VAT1L: variants seen among roughly 807,000 people sequenced by gnomAD.
VAT1L encodes vesicle amine transport 1 like, also known as putative NADPH-dependent quinone oxidoreductase VAT1L.
VAT1L carries 34 observed loss-of-function variants against 44.1 expected under a neutral mutation model. The ratio of observed to expected loss-of-function variants is 0.77; its 90% CI spans 0.59 to 1.03. The LOEUF (loss-of-function observed/expected upper bound fraction) is 1.03, where lower values mean the gene tolerates loss of function less well. Ranked by LOEUF, VAT1L falls within the 50% of genes least tolerant of loss-of-function variation. The pLI, the probability that VAT1L is intolerant of heterozygous loss-of-function variation, is 0.00. For missense variants in VAT1L, 615 were observed against 538.8 expected, an observed-to-expected ratio of 1.14 and a Z score of -1.40; for synonymous variants, 253 against 202.2, an observed-to-expected ratio of 1.25 and a Z score of -2.13.
At chr16:77,940,780 A>G (rs1323192419) in intron 7 of VAT1L, among the ~76,000 whole-genome samples, 1 of 152,156 alleles carries the variant, frequency 6.6e-6, no homozygotes, top group African/African-American at 2.4e-5. Context: ...TATGTTTCCC[A>G]AAGACAGCTC....
intron 1 of VAT1L, among the ~76,000 whole-genome samples, chr16:77,801,974 G>A (rs2016064971): frequency 6.6e-6 from 1 of 152,128 alleles, no homozygotes; most frequent in Admixed American, 6.5e-5. Flanking sequence ...AGCCATCCAT[G>A]CGCCCACCTT....
chr16:77,953,634 G>T (rs531227547), intron 7 of VAT1L, among the ~76,000 whole-genome samples: 21 of 152,160 alleles, frequency 1.4e-4, no homozygotes, highest in African/African-American at 4.8e-4. Context: ...TCGAACTCCT[G>T]GGGGCTCAGC....
At chr16:77,842,463 G>T (rs1021541007) in intron 3 of VAT1L, among the ~76,000 whole-genome samples, 1 of 152,184 alleles carries the variant, frequency 6.6e-6, no homozygotes, top group African/African-American at 2.4e-5. Flanking sequence ...CAGAACCAAC[G>T]AAAGTAATTC....
intron 7 of VAT1L, among the ~76,000 whole-genome samples, chr16:77,890,366 C>T (rs373215590): frequency 1.3e-5 from 2 of 151,996 alleles, no homozygotes; most frequent in African/African-American, 4.8e-5. Flanking sequence ...AAATCATGGT[C>T]CCCTTTGCTG....
intron 3 of VAT1L, among the ~76,000 whole-genome samples, chr16:77,832,050 A>G (rs2016585529): frequency 6.9e-6 from 1 of 145,862 alleles, no homozygotes; most frequent in South Asian, 2.2e-4. Context: ...CTGGTCTCGA[A>G]CTCCTGACCT....
At position 77,895,696 on chromosome 16, in the gene VAT1L, G is replaced by T. The variant is rs9927270; in HGVS notation, c.1077+10894G>T. On this transcript the variant is annotated intron_variant, in intron 7 of 8. Coordinates refer to ENST00000302536, the MANE Select transcript of VAT1L (RefSeq NM_020927.3). ...AGAGAATAAATTTTTGTAGTTTTAT[G>T]TAAATTTGAGTTAATTTATTGTAGC... Among the ~76,000 whole-genome samples, 655 of 152,296 alleles carry T rather than the reference G, an allele frequency of 4.3e-3. 2 individuals carry two copies. The highest frequency in any genetic ancestry group is 0.014 in the African/African-American group (570 of 41,560).
intron 3 of VAT1L, among the ~76,000 whole-genome samples, chr16:77,845,225 C>T (rs1017152924): frequency 6.6e-6 from 1 of 152,158 alleles, no homozygotes; most frequent in Admixed American, 6.5e-5. Flanking sequence ...CACAGCTCTG[C>T]CTGAGGTTGT....
intron 1 of VAT1L, among the ~76,000 whole-genome samples, chr16:77,793,933 A>G (rs1369060141): frequency 6.6e-6 from 1 of 152,226 alleles, no homozygotes; most frequent in Non-Finnish European, 1.5e-5. Context: ...TCTTTGTTTC[A>G]TTTCATCCTA....
chr16:77,873,240 T>C (rs955873837), intron 4 of VAT1L, among the ~76,000 whole-genome samples: 2 of 152,240 alleles, frequency 1.3e-5, no homozygotes, highest in African/African-American at 4.8e-5. Context: ...GAATTCCAGC[T>C]GTGCTAGTTA....
chr16:77,838,341 C>G (rs989057375), intron 3 of VAT1L, among the ~76,000 whole-genome samples: 1 of 152,154 alleles, frequency 6.6e-6, no homozygotes. Flanking sequence ...TAGCAAGAAG[C>G]AGCCTCGTTG....
At chr16:77,886,743 T>C (rs2017213348) in intron 7 of VAT1L, among the ~76,000 whole-genome samples, 1 of 152,186 alleles carries the variant, frequency 6.6e-6, no homozygotes, top group Non-Finnish European at 1.5e-5. Flanking sequence ...AATAAGTTCT[T>C]AGAAAGAGAT....
At chr16:77,821,567 A>G (rs2016453833) in intron 2 of VAT1L, among the ~76,000 whole-genome samples, 1 of 152,146 alleles carries the variant, frequency 6.6e-6, no homozygotes, top group Non-Finnish European at 1.5e-5. Context: ...TGCTGGGATT[A>G]CAGGCATGAG....
chr16:77,806,561 T>C (rs1354110839), intron 1 of VAT1L, among the ~76,000 whole-genome samples: 1 of 151,802 alleles, frequency 6.6e-6, no homozygotes, highest in Admixed American at 6.6e-5. Flanking sequence ...GCCAGCATGG[T>C]CTCGATTTCC....
rs558473083 is a variant in VAT1L at position 77,934,204 on chromosome 16, G to C, written c.1078-37646G>C. ...GTTAAACCAACCAGATTTATTGGCA[G>C]ATTGGACGTAAAGATTGAGGGGAAG... is the stretch of plus-strand genomic sequence containing the variant. On this transcript the variant is annotated intron_variant, in intron 7 of 8. Transcript: ENST00000302536. Among the ~76,000 whole-genome samples, 4 of 152,172 alleles carry C rather than the reference G, an allele frequency of 2.6e-5. 1 individual carries two copies. Among genetic ancestry groups the C allele is most frequent in the Admixed American group, 1.3e-4 (2 of 15,270 alleles).
intron 7 of VAT1L, among the ~76,000 whole-genome samples, chr16:77,913,820 A>C (rs1391743441): frequency 2.0e-5 from 3 of 152,238 alleles, no homozygotes; most frequent in African/African-American, 7.2e-5. Context: ...ACATAGAATT[A>C]GGACATAAAA....
rs981070892 is a variant in VAT1L at position 77,879,683 on chromosome 16, T to A, written c.882+459T>A. ...GCACTCCTGCCCTATTCCCTGCAAA[T>A]GGTCAGGACCAGAATTTAGACTACT... On this transcript the variant is annotated intron_variant, in intron 6 of 8. Transcript: ENST00000302536. The surrounding 1 kb of genome is among the most constrained non-coding windows in gnomAD (Gnocchi z 4.1). Among the ~76,000 whole-genome samples the A allele has an allele frequency of 2.6e-5, 4 of 152,196 alleles. No individual in the cohort carries two copies. The South Asian group carries it at 8.3e-4, about 32-fold the overall frequency.
At chr16:77,970,023 G>C (rs1435485118) in intron 7 of VAT1L, among the ~76,000 whole-genome samples, 10 of 140,512 alleles carry the variant, frequency 7.1e-5, no homozygotes, top group African/African-American at 2.7e-4. Flanking sequence ...TGAGCAGCCT[G>C]GGCAACATGG....
At chr16:77,956,502 G>A (rs1044666038) in intron 7 of VAT1L, among the ~76,000 whole-genome samples, 2 of 152,178 alleles carry the variant, frequency 1.3e-5, no homozygotes, top group South Asian at 4.1e-4. Flanking sequence ...CAATGATCAT[G>A]AGCAACGGCC....
intron 3 of VAT1L, among the ~76,000 whole-genome samples, chr16:77,842,850 G>A (rs2016720440): frequency 6.6e-6 from 1 of 152,146 alleles, no homozygotes; most frequent in African/African-American, 2.4e-5. Context: ...ATGTAAATTT[G>A]TATGCATAAT....
Sources: gnomAD v4.1 joint callset for allele counts (sites outside exome capture counted in the v4.1 genomes callset) on GRCh38, gnomAD v4.1.1 for gene constraint, Gnocchi (gnomAD v3.1) non-coding constraint, MANE v1.5 for transcripts, NCBI Gene and HGNC (gene_info 2026-07-23, HGNC 2026-07-21) for gene names.